GPLD1: variants seen among roughly 807,000 people sequenced by gnomAD.
GPLD1 encodes the protein glycosylphosphatidylinositol specific phospholipase D1.
A neutral mutation model predicts 112.6 loss-of-function variants in GPLD1; 84 were observed. The observed-to-expected ratio is 0.75, with a 90% CI of 0.63 to 0.89. The LOEUF (loss-of-function observed/expected upper bound fraction) is 0.89. GPLD1 is among the 40% of genes least tolerant of loss of function. The pLI, the probability that GPLD1 is intolerant of heterozygous loss-of-function variation, is 0.00. For synonymous variants in GPLD1, 386 were observed against 403.8 expected (o/e 0.96, Z 0.53); for missense variants, 1,044 against 1,051.5 (o/e 0.99, Z 0.10).
At chr6:24,450,833 GTGGT>G (rs1182130873) in intron 14 of GPLD1, among the ~76,000 whole-genome samples, 1 of 152,028 alleles carries the variant, frequency 6.6e-6, no homozygotes, top group Non-Finnish European at 1.5e-5. Context: ...TTAGCCAGGT[GTGGT>G]GGTGGGCACC....
At chr6:24,485,609 A>T (rs1001553005) in intron 2 of GPLD1, among the ~76,000 whole-genome samples, 36 of 152,284 alleles carry the variant, frequency 2.4e-4, no homozygotes, top group Middle Eastern at 3.4e-3. Context: ...CCATAATATT[A>T]ATGTCTTATA....
At chr6:24,487,709 G>T (rs1764423902) in intron 1 of GPLD1, among the ~76,000 whole-genome samples, 1 of 152,194 alleles carries the variant, frequency 6.6e-6, no homozygotes, top group Admixed American at 6.5e-5. Flanking sequence ...AAAGTGAATT[G>T]CTCAGAATCA....
chr6:24,475,001 G>C, intron 5 of GPLD1, 120 bp downstream of exon 5: 1 of 604,654 alleles, frequency 1.7e-6, no homozygotes, highest in Non-Finnish European at 3.0e-6. Flanking sequence ...ACCAAACACT[G>C]CTTTGGGCAG....
intron 20 of GPLD1, among the ~76,000 whole-genome samples, chr6:24,437,556 T>C (rs1398447917): frequency 6.6e-6 from 1 of 151,148 alleles, no homozygotes; most frequent in African/African-American, 2.5e-5. Context: ...GCCACCTTTT[T>C]ATTTTCTCGT....
At chr6:24,463,576 C>G (rs9461018) in intron 10 of GPLD1, among the ~76,000 whole-genome samples, 1 of 151,996 alleles carries the variant, frequency 6.6e-6, no homozygotes, top group South Asian at 2.1e-4. Flanking sequence ...CTTTTCTTGT[C>G]CACCACAGGA....
At chr6:24,480,169 T>A (rs1223669854) in intron 2 of GPLD1, among the ~76,000 whole-genome samples, 1 of 152,218 alleles carries the variant, frequency 6.6e-6, no homozygotes, top group Non-Finnish European at 1.5e-5. Flanking sequence ...AACTTCAGAT[T>A]CTTCCCTACC....
rs766897122 is a variant in GPLD1, at chr6:24,472,628, C to T, written c.499G>A (p.Val167Met). 7 of 1,585,774 alleles carry T rather than the reference C, an allele frequency of 4.4e-6. No individual in the cohort carries two copies. Among genetic ancestry groups the T allele is most frequent in the Non-Finnish European group, 6.1e-6 (7 of 1,154,248 alleles). Residue 167 changes from valine (V) to methionine (M), a missense_variant, in exon 7 of 25, where the codon GTG becomes ATG. By Grantham distance (21) the Val-to-Met change is conservative. Transcript: ENST00000230036. Reference sequence around the variant, plus strand: ...AAATTAAATTCAAACTGGCTCAACACATCTCCTCCTAGGGTATGAGAAAAA... The same window carrying T: ...AAATTAAATTCAAACTGGCTCAACATATCTCCTCCTAGGGTATGAGAAAAA... The part of the protein sequence containing the change: ...AHSAGDFGGD[V>M]LSQFEFNFNY...
At chr6:24,459,752 A>G (rs1763375830) in intron 12 of GPLD1, among the ~76,000 whole-genome samples, 1 of 152,220 alleles carries the variant, frequency 6.6e-6, no homozygotes, top group Non-Finnish European at 1.5e-5. Flanking sequence ...TTCATACACA[A>G]TGGGGCTATG....
upstream of GPLD1, among the ~76,000 whole-genome samples, chr6:24,490,581 G>A (rs968182750): frequency 2.2e-4 from 34 of 151,890 alleles, 1 homozygote; most frequent in Admixed American, 1.8e-3. Context: ...TGAAGACCCC[G>A]TCTCTACTAA....
Position 24,462,629 on chromosome 6 carries a change from C to G in GPLD1, c.887+101G>C, listed in dbSNP as rs1047276538. ...CAAGTGACAAATCTGGAATTTGAAC[C>G]TACAGCTGTCTCTCAACAGATCCCG... On this transcript the variant is annotated intron_variant, in intron 11 of 24. Coordinates refer to ENST00000230036, the MANE Select transcript of GPLD1 (RefSeq NM_001503.4). The G allele has an allele frequency of 8.1e-6, 6 of 742,032 alleles. No homozygotes were observed. In the Admixed American group the frequency reaches 1.1e-4, roughly 13 times the overall value. The allele number at this position is 742,032 out of a possible 1,614,324, so 46.0% of individuals were successfully genotyped here.
intron 20 of GPLD1, among the ~76,000 whole-genome samples, chr6:24,441,608 G>C (rs935978154): frequency 6.6e-6 from 1 of 152,198 alleles, no homozygotes; most frequent in Non-Finnish European, 1.5e-5. Flanking sequence ...CTGTGGATTA[G>C]GAAATGAGGA....
At position 24,486,103 on chromosome 6, in the gene GPLD1, A is replaced by G. The variant is rs753678444; in HGVS notation, c.125T>C (p.Leu42Pro). 6.3e-6 allele frequency: 10 copies of G among 1,597,370 alleles called. No homozygotes were observed. Among genetic ancestry groups the G allele is most frequent in the Non-Finnish European group, 7.7e-6 (9 of 1,166,356 alleles). ...TCTGTAGTTAACACGCCCATTGTGA[A>G]GCTGAAGAAACTCCAGAGCTCTGTG... ...IGHRALEFLQ[L>P]HNGRVNYREL... Residue 42 changes from leucine to proline, a missense_variant, in exon 2 of 25, where the codon CTT (leucine) becomes CCT (proline). Leu to Pro is a moderately conservative substitution (Grantham distance 98). Coordinates refer to ENST00000230036, the MANE Select transcript of GPLD1 (RefSeq NM_001503.4).
At chr6:24,442,915 A>G (rs1762793498) in intron 20 of GPLD1, among the ~76,000 whole-genome samples, 1 of 152,132 alleles carries the variant, frequency 6.6e-6, no homozygotes, top group Admixed American at 6.6e-5. Flanking sequence ...ATAGGAAAAA[A>G]AATTATCAAG....
chr6:24,487,899 T>C lies in GPLD1; in HGVS notation c.97+1516A>G, dbSNP rs1255831377. The stretch of plus-strand genomic sequence containing the variant: ...GCTGTAAAACTGTCTAGTATCAGTT[T>C]CTTCATCTGTAAAAGAAGAGAACTG... On this transcript the variant is annotated intron_variant, in intron 1 of 24. Transcript: ENST00000230036. Among the ~76,000 whole-genome samples the C allele has an allele frequency of 3.9e-5, 6 of 152,324 alleles. 1 individual carries two copies. The highest frequency in any genetic ancestry group is 1.3e-4 in the Admixed American group (2 of 15,300).
chr6:24,446,007 G>C (rs967714764), intron 18 of GPLD1, among the ~76,000 whole-genome samples, 176 bp from the exon 19 acceptor site: 1 of 151,924 alleles, frequency 6.6e-6, no homozygotes, highest in Non-Finnish European at 1.5e-5. Context: ...CAACATCCAG[G>C]CTCTCCAGGT....
At chr6:24,493,871 A>G (rs1764620374), upstream of GPLD1, among the ~76,000 whole-genome samples, 1 of 152,256 alleles carries the variant, frequency 6.6e-6, no homozygotes, top group South Asian at 2.1e-4. Flanking sequence ...GGAGTTGAGA[A>G]AGGGAGATAT....
chr6:24,485,949 A>G (rs60816578), intron 2 of GPLD1, 126 bp downstream of exon 2: 104,456 of 623,848 alleles, frequency 0.17, 9,705 homozygotes, highest in African/African-American at 0.28. Flanking sequence ...GATTACAGGC[A>G]TGAGCCACCA....
At chr6:24,438,589 T>C (rs1762650375) in intron 20 of GPLD1, among the ~76,000 whole-genome samples, 1 of 152,190 alleles carries the variant, frequency 6.6e-6, no homozygotes. Flanking sequence ...AACAGTCAGA[T>C]ATAACAGCTA....
chr6:24,463,492 C>G (rs763920435), intron 10 of GPLD1, among the ~76,000 whole-genome samples: 3 of 152,134 alleles, frequency 2.0e-5, no homozygotes, highest in Non-Finnish European at 4.4e-5. Context: ...TGGGAAAAAG[C>G]TGAAGGCAGA....
Sources: gnomAD v4.1 joint callset for allele counts (sites outside exome capture counted in the v4.1 genomes callset) on GRCh38, gnomAD v4.1.1 for gene constraint, MANE v1.5 for transcripts, NCBI Gene and HGNC (gene_info 2026-07-23, HGNC 2026-07-21) for gene names.